OSTN: variants seen among roughly 807,000 people sequenced by gnomAD.
OSTN encodes the protein osteocrin.
OSTN carries 9 observed loss-of-function variants against 12.0 expected under a neutral mutation model. The ratio of observed to expected loss-of-function variants is 0.75; its 90% CI spans 0.45 to 1.30. OSTN has a LOEUF of 1.30. Ranked by LOEUF, OSTN falls within the 50% of genes most tolerant of loss-of-function variation. The pLI, the probability that OSTN is intolerant of heterozygous loss-of-function variation, is 0.00. For synonymous variants in OSTN, 59 were observed against 56.9 expected (o/e 1.04, Z -0.16); for missense variants, 148 against 152.3 (o/e 0.97, Z 0.15).
In OSTN at chr3:191,262,973, C is replaced by A; in HGVS notation, c.*120C>A. The A allele has an allele frequency of 1.5e-6, 1 of 671,718 alleles. No homozygotes were observed. The highest frequency in any genetic ancestry group is 2.7e-6 in the Non-Finnish European group (1 of 365,562). 41.6% of individuals were successfully genotyped at this position (671,718 alleles called of 1,614,324 possible). A position where few individuals can be genotyped will look rare whatever the true frequency, so the allele number is the denominator to read the frequency against. On this transcript the variant is annotated 3_prime_UTR_variant, in exon 5 of 5. Transcript: ENST00000682035. Reference sequence around the variant, plus strand: ...TTAAGGAACTGACCTTCTGCAAATCCTTTCCAAAGCTTGAACTTCAGTCCA... The same window carrying A: ...TTAAGGAACTGACCTTCTGCAAATCATTTCCAAAGCTTGAACTTCAGTCCA...
chr3:191,246,984 T>A (rs1021859086), intron 3 of OSTN, among the ~76,000 whole-genome samples: 2 of 152,244 alleles, frequency 1.3e-5, no homozygotes, highest in Non-Finnish European at 2.9e-5. Flanking sequence ...TTAACCTTAA[T>A]CCTGTCTGCA....
In OSTN at chr3:191,212,623, A is replaced by G; in HGVS notation, c.91A>G (p.Thr31Ala). The change falls in exon 2 of 5, where the codon ACA becomes GCA. Residue 31 changes from threonine to alanine, a missense_variant. Physicochemically the swap from Thr to Ala is moderately conservative, Grantham distance 58 (BLOSUM62 0). Coordinates refer to ENST00000682035, the MANE Select transcript of OSTN (RefSeq NM_198184.2). ...SSGKVLSVDV[T>A]TTEAFDSGVI... ...AGGAAAAGTCCTCTCAGTAGATGTAACAACAACAGAGGTAATGGAAACTAG... is the reference window on the plus strand; with the variant it reads ...AGGAAAAGTCCTCTCAGTAGATGTAGCAACAACAGAGGTAATGGAAACTAG... 1 of 1,545,432 alleles carries G rather than the reference A, an allele frequency of 6.5e-7. No individual in the cohort carries two copies. The highest frequency in any genetic ancestry group is 1.3e-5 in the South Asian group (1 of 79,950).
At chr3:191,245,478 A>G (rs1426719102) in intron 3 of OSTN, among the ~76,000 whole-genome samples, 1 of 152,222 alleles carries the variant, frequency 6.6e-6, no homozygotes, top group African/African-American at 2.4e-5. Flanking sequence ...TCAGTAAGTA[A>G]ATCAAGTAGA....
chr3:191,244,725 G>T (rs1333917925), intron 3 of OSTN, among the ~76,000 whole-genome samples: 1 of 149,352 alleles, frequency 6.7e-6, no homozygotes, highest in Non-Finnish European at 1.5e-5. Context: ...AGGCTATTAT[G>T]GTTTCTGATT....
intron 4 of OSTN, among the ~76,000 whole-genome samples, chr3:191,256,055 A>G (rs1248949152): frequency 2.0e-5 from 3 of 152,122 alleles, no homozygotes; most frequent in African/African-American, 7.2e-5. Flanking sequence ...GAGTAAAATA[A>G]TAATTGTCTG....
chr3:191,255,730 G>GA (rs200232138), intron 4 of OSTN, among the ~76,000 whole-genome samples: 1,497 of 139,570 alleles, frequency 0.011, 10 homozygotes, highest in Middle Eastern at 0.073. Flanking sequence ...TTTTAACTCT[G>GA]AAAAAAAAAA....
intron 1 of OSTN, among the ~76,000 whole-genome samples, chr3:191,205,256 G>A (rs527558822): frequency 2.9e-4 from 44 of 152,144 alleles, no homozygotes; most frequent in African/African-American, 1.1e-3. Flanking sequence ...TTAGAGTCTT[G>A]TTCAAGATCA....
chr3:191,209,813 T>G (rs1465889499), intron 1 of OSTN, among the ~76,000 whole-genome samples: 1 of 151,958 alleles, frequency 6.6e-6, no homozygotes, highest in African/African-American at 2.4e-5. Flanking sequence ...GGGCCAAAGT[T>G]TTATTTTTTT....
chr3:191,225,954 A>G (rs919347011), intron 3 of OSTN, among the ~76,000 whole-genome samples: 1 of 152,128 alleles, frequency 6.6e-6, no homozygotes, highest in Non-Finnish European at 1.5e-5. Flanking sequence ...ACCTACACGT[A>G]CATACCCTGA....
At chr3:191,258,918 T>C (rs1432640137) in intron 4 of OSTN, among the ~76,000 whole-genome samples, 1 of 152,176 alleles carries the variant, frequency 6.6e-6, no homozygotes, top group Non-Finnish European at 1.5e-5. Context: ...GTCAAGTCTC[T>C]CATAATACCA....
At chr3:191,206,429 T>C (rs1714275246) in intron 1 of OSTN, among the ~76,000 whole-genome samples, 1 of 152,190 alleles carries the variant, frequency 6.6e-6, no homozygotes. Flanking sequence ...AAATACCTAA[T>C]TTTAAAAATA....
chr3:191,259,676 C>G (rs28836770), intron 4 of OSTN, among the ~76,000 whole-genome samples: 2 of 151,630 alleles, frequency 1.3e-5, no homozygotes, highest in African/African-American at 4.8e-5. Context: ...CAAAGCCAGG[C>G]GTTGATGCTG....
chr3:191,240,323 T>G (rs920135992), intron 3 of OSTN, among the ~76,000 whole-genome samples: 1 of 152,214 alleles, frequency 6.6e-6, no homozygotes. Flanking sequence ...AATGTAAACA[T>G]TTTAGTTTTG....
chr3:191,248,812 G>T (rs942974703), intron 3 of OSTN, among the ~76,000 whole-genome samples: 3 of 152,136 alleles, frequency 2.0e-5, no homozygotes, highest in African/African-American at 4.8e-5. Context: ...AATCAGACAT[G>T]GTGGTACACA....
intron 3 of OSTN, among the ~76,000 whole-genome samples, chr3:191,246,894 A>G (rs541401186): frequency 2.0e-5 from 3 of 152,216 alleles, no homozygotes; most frequent in Non-Finnish European, 2.9e-5. Flanking sequence ...ACTCTTAGTC[A>G]GTGATTAGCA....
Position 191,258,531 on chromosome 3 carries a change from AC to A in OSTN, c.*13-4333del, listed in dbSNP as rs1306977617. 2.3e-4 allele frequency among the ~76,000 whole-genome samples: 25 copies of A among 107,828 alleles called. No homozygotes were observed. The South Asian group carries it at 7.3e-3, about 31-fold the overall frequency. The allele number at this position is 107,828 out of a possible 152,430, so 70.7% of individuals were successfully genotyped here. ...GGGGAGGGATAGCATTAAGAGAAAC[AC>A]CAAATGCACGCGGGGTTTAAAACCT... On this transcript the variant is annotated intron_variant, in intron 4 of 4. Coordinates refer to ENST00000682035, the MANE Select transcript of OSTN (RefSeq NM_198184.2).
intron 3 of OSTN, among the ~76,000 whole-genome samples, chr3:191,246,841 C>T (rs758052776): frequency 6.1e-4 from 92 of 151,822 alleles, no homozygotes; most frequent in Admixed American, 2.0e-4. Context: ...CCATTCAAAG[C>T]CAGCCATGGC....
chr3:191,215,261 A>T (rs559119765), intron 2 of OSTN, among the ~76,000 whole-genome samples: 1 of 152,268 alleles, frequency 6.6e-6, no homozygotes, highest in South Asian at 2.1e-4. Context: ...TATCCCCATG[A>T]TTCAATCACC....
In OSTN at chr3:191,246,604, C is replaced by CAA. The variant is rs34157872; in HGVS notation, c.318-3421_318-3420dup. Among the ~76,000 whole-genome samples, 125 of 106,884 alleles carry CAA rather than the reference C, an allele frequency of 1.2e-3. 1 individual carries two copies. In the Middle Eastern group the frequency reaches 0.013, roughly 11 times the overall value. The allele number at this position is 106,884 out of a possible 152,430, so 70.1% of individuals were successfully genotyped here. ...TGGGTGACAGAGCTAGACCCTGTATCAAAAAAAAAAAAAGAAAGAAAGAAA... is the reference window on the plus strand; with the variant it reads ...TGGGTGACAGAGCTAGACCCTGTATCAAAAAAAAAAAAAAAGAAAGAAAGAAA... On this transcript the variant is annotated intron_variant, in intron 3 of 4. Coordinates refer to ENST00000682035, the MANE Select transcript of OSTN (RefSeq NM_198184.2).
Sources: gnomAD v4.1 joint callset for allele counts (sites outside exome capture counted in the v4.1 genomes callset) on GRCh38, gnomAD v4.1.1 for gene constraint, MANE v1.5 for transcripts, NCBI Gene and HGNC (gene_info 2026-07-23, HGNC 2026-07-21) for gene names.